The following UTP20 variants were observed in gnomAD, a reference collection of about 807,000 sequenced individuals.
UTP20 encodes UTP20 small subunit processome component, also known as small subunit processome component 20 homolog.
Under a neutral mutation model 329.5 loss-of-function variants are expected in UTP20, and 164 were observed. The ratio of observed to expected loss-of-function variants is 0.50; its 90% CI spans 0.44 to 0.57. The LOEUF (loss-of-function observed/expected upper bound fraction) is 0.57, where lower values mean the gene tolerates loss of function less well. Among genes scored for constraint, UTP20 ranks in the 20% least tolerant of loss-of-function variants. The pLI is 0.00. For synonymous variants in UTP20, 1,151 were observed against 1,159.3 expected (o/e 0.99, Z 0.14); for missense variants, 3,055 against 3,284.2 (o/e 0.93, Z 1.71).
chr12:101,315,085 G>A (rs569816319), intron 21 of UTP20, among the ~76,000 whole-genome samples: 5 of 152,074 alleles, frequency 3.3e-5, no homozygotes, highest in South Asian at 2.1e-4. Context: ...GAGACAGAAC[G>A]AGACTTTGTC....
Position 101,280,185 on chromosome 12 carries a change from C to T in UTP20, c.-98C>T. ...TGAGAAAGTCTGGGCATCTGGGAAT[C>T]GGAGAGTATAGCCTGTGAGCCGCTT... On this transcript the variant is annotated 5_prime_UTR_variant, in exon 1 of 62. Transcript: ENST00000261637. 7.0e-7 allele frequency: 1 copy of T among 1,437,658 alleles called. No individual in the cohort carries two copies. Among genetic ancestry groups the T allele is most frequent in the Non-Finnish European group, 9.5e-7 (1 of 1,058,176 alleles). The allele number at this position is 1,437,658 out of a possible 1,614,324, so 89.1% of individuals were successfully genotyped here.
chr12:101,384,473 C>T lies in UTP20; in HGVS notation c.8056+804C>T, dbSNP rs542550303. Among the ~76,000 whole-genome samples the T allele has an allele frequency of 4.6e-5, 7 of 152,162 alleles. No homozygotes were observed. In the East Asian group the frequency reaches 9.7e-4, roughly 21 times the overall value. On this transcript the variant is annotated intron_variant, in intron 60 of 61. Coordinates refer to ENST00000261637, the MANE Select transcript of UTP20 (RefSeq NM_014503.3). ...GGGGGATCTCTTGAGGCTGTGAGGT[C>T]GAGGCTTCAGTGAGCCGTGATTGCA...
chr12:101,374,716 T>G, intron 54 of UTP20, 92 bp from the exon 55 acceptor site: 1 of 709,366 alleles, frequency 1.4e-6, no homozygotes, highest in South Asian at 2.2e-5. Context: ...TCTCTGAATG[T>G]TGAGGACAAA....
intron 29 of UTP20, among the ~76,000 whole-genome samples, chr12:101,335,312 T>C (rs1234306128): frequency 6.6e-6 from 1 of 152,218 alleles, no homozygotes; most frequent in Non-Finnish European, 1.5e-5. Context: ...GATTAAAACT[T>C]GAAAATTTTA....
intron 25 of UTP20, among the ~76,000 whole-genome samples, chr12:101,324,446 A>G (rs1477785897): frequency 6.6e-6 from 1 of 151,836 alleles, no homozygotes; most frequent in Non-Finnish European, 1.5e-5. Flanking sequence ...ACCAGCTGAA[A>G]ATTTTTGTAT....
chr12:101,310,582 A>AAAAAAAAAT (rs1872757098), intron 19 of UTP20, among the ~76,000 whole-genome samples: 2 of 148,802 alleles, frequency 1.3e-5, no homozygotes, highest in South Asian at 4.3e-4. Context: ...TCTCCCAAAA[A>AAAAAAAAAT]AAAAAAAAAA....
rs1873084562 is a variant in UTP20, at chr12:101,319,626, A to G, written c.2820A>G (p.Leu940=). Residue 940 remains leucine (L), a synonymous_variant, in exon 23 of 62, where the codon TTA becomes TTG. Transcript: ENST00000261637. The part of the protein sequence containing the change: ...ALYLESKLYE[L]YLQLLLHQDQ... ...ATCTGGAATCCAAACTATATGAGTT[A>G]TATCTTCAGGTCAGTAAAATAAACT... 8.7e-6 allele frequency: 14 copies of G among 1,601,566 alleles called. No homozygotes were observed. The East Asian group carries it at 1.6e-4, about 18-fold the overall frequency.
At chr12:101,288,315 G>A (rs1180065186) in intron 5 of UTP20, among the ~76,000 whole-genome samples, 2 of 152,334 alleles carry the variant, frequency 1.3e-5, no homozygotes, top group South Asian at 4.1e-4. Context: ...TCATTAGGGA[G>A]ACCAAATTTA....
At chr12:101,350,949 A>G (rs1208140699) in intron 38 of UTP20, among the ~76,000 whole-genome samples, 1 of 152,030 alleles carries the variant, frequency 6.6e-6, no homozygotes, top group East Asian at 1.9e-4. Context: ...CCTGTCTCCT[A>G]ACTCAGAAAG....
At chr12:101,307,308 C>T (rs1400360924) in intron 17 of UTP20, among the ~76,000 whole-genome samples, 1 of 150,522 alleles carries the variant, frequency 6.6e-6, no homozygotes, top group African/African-American at 2.4e-5. Flanking sequence ...CACACACACA[C>T]ACACACACAC....
rs10082778 is a variant in UTP20 at position 101,357,036 on chromosome 12, T to A, written c.5645T>A (p.Leu1882Gln). ...GAGGATCTTGGTGTGCACTTCCTCC[T>A]ATATGTTTTAAAAGAATTACAGACT... ...IIEDLGVHFL[L>Q]YVLKELQTTL... Residue 1882 changes from leucine (L) to glutamine (Q), a missense_variant, in exon 43 of 62, where the codon CTA (leucine) becomes CAA (glutamine). Transcript: ENST00000261637. 1,597,366 of 1,613,908 alleles carry A rather than the reference T, an allele frequency of 0.99. 790,522 individuals are homozygous for A. Among genetic ancestry groups the A allele is most frequent in the East Asian group, 1 (44,851 of 44,854 alleles).
At chr12:101,338,760 A>G in intron 30 of UTP20, 53 bp from the exon 31 acceptor site, 3 of 1,456,250 alleles carry the variant, frequency 2.1e-6, no homozygotes, top group Non-Finnish European at 2.7e-6. Context: ...ATTTTGTACA[A>G]TTATGCCTTA....
At chr12:101,385,509 ATTG>A in intron 60 of UTP20, 71 bp from the exon 61 acceptor site, 1 of 1,501,078 alleles carries the variant, frequency 6.7e-7, no homozygotes, top group Non-Finnish European at 9.0e-7. Context: ...TGTTGTACAT[ATTG>A]TTGATTTTGT....
chr12:101,322,784 C>A (rs565809015), intron 25 of UTP20, among the ~76,000 whole-genome samples: 4 of 152,188 alleles, frequency 2.6e-5, no homozygotes, highest in East Asian at 1.9e-4. Flanking sequence ...GCTTTAAGAA[C>A]TTTACTATAA....
At chr12:101,328,176 C>T (rs1378703654) in intron 26 of UTP20, among the ~76,000 whole-genome samples, 1 of 152,090 alleles carries the variant, frequency 6.6e-6, no homozygotes, top group African/African-American at 2.4e-5. Flanking sequence ...GTTTTTCATT[C>T]AGTATAATAT....
intron 29 of UTP20, 80 bp from the exon 30 acceptor site, chr12:101,337,971 T>C (rs2137274090): frequency 8.0e-7 from 1 of 1,256,134 alleles, no homozygotes; most frequent in Non-Finnish European, 1.1e-6. Flanking sequence ...GTTAAACTCA[T>C]GGTGAAAATT....
intron 14 of UTP20, among the ~76,000 whole-genome samples, chr12:101,301,268 C>T (rs1406629397): frequency 6.6e-6 from 1 of 152,108 alleles, no homozygotes; most frequent in Non-Finnish European, 1.5e-5. Flanking sequence ...GCCTGTAATC[C>T]CAGCACTTTG....
At chr12:101,384,209 G>C (rs1870752283) in intron 60 of UTP20, among the ~76,000 whole-genome samples, 1 of 152,116 alleles carries the variant, frequency 6.6e-6, no homozygotes, top group South Asian at 2.1e-4. Flanking sequence ...ATAGCACAAT[G>C]AATAATAATG....
At chr12:101,291,021 A>G in intron 8 of UTP20, 133 bp downstream of exon 8, 1 of 947,182 alleles carries the variant, frequency 1.1e-6, no homozygotes, top group Non-Finnish European at 1.4e-6. Context: ...TACACATATT[A>G]AAATTTTCCT....
Sources: gnomAD v4.1 joint callset for allele counts (sites outside exome capture counted in the v4.1 genomes callset) on GRCh38, gnomAD v4.1.1 for gene constraint, MANE v1.5 for transcripts, NCBI Gene and HGNC (gene_info 2026-07-23, HGNC 2026-07-21) for gene names.